Variants in PRIM2 observed in about 807,000 individuals in gnomAD.
The protein encoded by PRIM2 is DNA primase large subunit.
Under a neutral mutation model 67.3 loss-of-function variants are expected in PRIM2, and 39 were observed. The observed-to-expected ratio is 0.58, with a 90% confidence interval of 0.45 to 0.76. PRIM2 has a LOEUF of 0.76. PRIM2 is among the 30% of genes least tolerant of loss of function. The pLI, the probability that PRIM2 is intolerant of heterozygous loss-of-function variation, is 0.00. For missense variants in PRIM2, 398 were observed against 598.7 expected (o/e 0.66, Z 3.50); for synonymous variants, 143 against 198.7 (o/e 0.72, Z 2.36).
chr6:57,456,600 C>T (rs1002274192), intron 7 of PRIM2, among the ~76,000 whole-genome samples: 10 of 152,156 alleles, frequency 6.6e-5, no homozygotes, highest in African/African-American at 2.2e-4. Flanking sequence ...CTTGTGCATT[C>T]GTCACGTAGT....
At position 57,436,736 on chromosome 6, in the gene PRIM2, A is replaced by G. The variant is rs144097529; in HGVS notation, c.693+54568A>G. On this transcript the variant is annotated intron_variant, in intron 7 of 13. Coordinates refer to ENST00000615550, the MANE Select transcript of PRIM2 (RefSeq NM_000947.5). ...CAGATTTATTTTCCCGAAAATGGACATTTTCTCTATAGATTATTTTCTTTT... is the reference window on the plus strand; with the variant it reads ...CAGATTTATTTTCCCGAAAATGGACGTTTTCTCTATAGATTATTTTCTTTT... Among the ~76,000 whole-genome samples the G allele has an allele frequency of 3.5e-4, 53 of 152,232 alleles. No individual in the cohort carries two copies. The East Asian group carries it at 8.7e-3, about 25-fold the overall frequency.
chr6:57,391,938 G>A (rs1770362264), intron 7 of PRIM2, among the ~76,000 whole-genome samples: 1 of 152,224 alleles, frequency 6.6e-6, no homozygotes, highest in East Asian at 1.9e-4. Context: ...ATAGGAATAG[G>A]ACTGAATTAT....
chr6:57,564,722 C>T (rs1159317808), intron 10 of PRIM2, among the ~76,000 whole-genome samples: 109,193 of 151,850 alleles, frequency 0.72, 39,910 homozygotes, highest in African/African-American at 0.86. Context: ...ATTGGTAAAT[C>T]TTAAAAAGAA....
In PRIM2 at chr6:57,415,551, A is replaced by T. The variant is rs138060170; in HGVS notation, c.693+33383A>T. 4.4e-3 allele frequency among the ~76,000 whole-genome samples: 677 copies of T among 152,278 alleles called. 1 individual carries two copies. The highest frequency in any genetic ancestry group is 7.1e-3 in the Non-Finnish European group (484 of 68,002). ...TTTGCTGGTGGAGGGTCTTGCCTCAATGTTGATGTCCGCTGACTAATCAGA... is the reference window on the plus strand; with the variant it reads ...TTTGCTGGTGGAGGGTCTTGCCTCATTGTTGATGTCCGCTGACTAATCAGA... On this transcript the variant is annotated intron_variant, in intron 7 of 13. Transcript: ENST00000615550.
intron 7 of PRIM2, among the ~76,000 whole-genome samples, chr6:57,501,235 G>T (rs1178073892): frequency 1.3e-5 from 2 of 152,122 alleles, no homozygotes; most frequent in African/African-American, 4.8e-5. Context: ...CTCTTGAAAA[G>T]ATATGACATC....
intron 7 of PRIM2, among the ~76,000 whole-genome samples, chr6:57,437,748 C>G (rs990938344): frequency 2.7e-5 from 4 of 149,964 alleles, no homozygotes; most frequent in Non-Finnish European, 4.4e-5. Context: ...TCACTGCAGC[C>G]TCGAACTCCT....
chr6:57,515,835 G>A (rs1554348198), intron 8 of PRIM2, among the ~76,000 whole-genome samples: 6 of 152,284 alleles, frequency 3.9e-5, no homozygotes, highest in Non-Finnish European at 8.8e-5. Context: ...GTTAGAAATC[G>A]GACATGGGTC....
the PRIM2 span, among the ~76,000 whole-genome samples, chr6:57,229,709 C>T: frequency 1.3e-5 from 2 of 152,182 alleles, no homozygotes; most frequent in Non-Finnish European, 1.5e-5. Context: ...CCAGGCTGAT[C>T]TCGAATACCT....
intron 11 of PRIM2, 25 bp downstream of exon 11, chr6:57,601,244 G>C (rs1209787142): frequency 2.6e-6 from 4 of 1,564,404 alleles, no homozygotes; most frequent in Admixed American, 2.0e-5. Context: ...TGGATATGTT[G>C]GCCAAGTACA....
intron 10 of PRIM2, among the ~76,000 whole-genome samples, chr6:57,561,214 G>C (rs1287643941): frequency 1.3e-5 from 2 of 152,036 alleles, no homozygotes; most frequent in African/African-American, 4.8e-5. Flanking sequence ...AAACCCACCT[G>C]TGCTAGCATC....
intron 4 of PRIM2, among the ~76,000 whole-genome samples, chr6:57,324,847 A>G (rs764058360): frequency 1.8e-4 from 27 of 152,148 alleles, no homozygotes; most frequent in Admixed American, 4.6e-4. Flanking sequence ...AAGCTTATCA[A>G]GTGAGACTCT....
intron 7 of PRIM2, among the ~76,000 whole-genome samples, chr6:57,473,277 G>A (rs1773380871): frequency 6.6e-6 from 1 of 152,112 alleles, no homozygotes; most frequent in Non-Finnish European, 1.5e-5. Context: ...CTTGTGATGG[G>A]GAGGCGGCAC....
intron 5 of PRIM2, among the ~76,000 whole-genome samples, chr6:57,335,465 T>C (rs1265433774): frequency 6.6e-6 from 1 of 152,168 alleles, no homozygotes; most frequent in African/African-American, 2.4e-5. Context: ...CGTCCCTGTC[T>C]GACAGCTTTG....
chr6:57,345,234 T>G (rs538739985), intron 5 of PRIM2, among the ~76,000 whole-genome samples: 43 of 152,286 alleles, frequency 2.8e-4, no homozygotes, highest in African/African-American at 9.4e-4. Flanking sequence ...CTTGGCTCAC[T>G]GCAACCTTTG....
At chr6:57,525,186 C>G (rs1554349254) in intron 8 of PRIM2, among the ~76,000 whole-genome samples, 2 of 152,012 alleles carry the variant, frequency 1.3e-5, no homozygotes, top group Non-Finnish European at 2.9e-5. Flanking sequence ...TATGTGATAA[C>G]CCTTCAGATC....
intron 5 of PRIM2, among the ~76,000 whole-genome samples, chr6:57,340,271 G>C (rs976053700): frequency 1.3e-5 from 2 of 152,226 alleles, no homozygotes; most frequent in African/African-American, 2.4e-5. Context: ...CTGTAAACTA[G>C]TTCAACCATT....
intron 8 of PRIM2, among the ~76,000 whole-genome samples, chr6:57,532,020 G>C (rs1774902213): frequency 6.6e-6 from 1 of 152,074 alleles, no homozygotes; most frequent in Admixed American, 6.6e-5. Context: ...GAGTAACTAA[G>C]TAACTTGCTC....
intron 5 of PRIM2, among the ~76,000 whole-genome samples, chr6:57,370,693 CTTTTTTT>C (rs66953171): frequency 8.2e-6 from 1 of 122,000 alleles, no homozygotes; most frequent in African/African-American, 3.0e-5. Context: ...CTATCTATAG[CTTTTTTT>C]TTTTTTTTTT....
intron 12 of PRIM2, among the ~76,000 whole-genome samples, chr6:57,617,232 G>A (rs1422086479): frequency 0.014 from 2,191 of 152,258 alleles, 52 homozygotes; most frequent in South Asian, 0.078. Context: ...CTTCCTCCCT[G>A]TATGTCTTCT....
Sources: allele counts gnomAD v4.1 joint callset (sites outside exome capture counted in the v4.1 genomes callset), GRCh38; gene constraint gnomAD v4.1.1; transcripts MANE v1.5; gene names NCBI Gene and HGNC (gene_info 2026-07-23, HGNC 2026-07-21).